Variants in R3HDM2 observed in about 807,000 individuals in gnomAD.
R3HDM2 encodes the protein R3H domain containing 2, also known as R3H domain-containing protein 2.
In R3HDM2, 38 loss-of-function variants were observed where a neutral mutation model predicts 124.5. That is an observed-to-expected ratio of 0.31 (90% confidence interval 0.24 to 0.40). The LOEUF (loss-of-function observed/expected upper bound fraction) is 0.40. Ranked by LOEUF, R3HDM2 falls within the 10% of genes least tolerant of loss-of-function variation. The pLI, the probability that R3HDM2 is intolerant of heterozygous loss-of-function variation, is 1.00. For synonymous variants in R3HDM2, 391 were observed against 448.0 expected (o/e 0.87, Z 1.61); for missense variants, 869 against 1,236.9 (o/e 0.70, Z 4.46).
chr12:57,388,915 A>G (rs2066274343), intron 2 of R3HDM2, among the ~76,000 whole-genome samples: 1 of 152,218 alleles, frequency 6.6e-6, no homozygotes, highest in African/African-American at 2.4e-5. Flanking sequence ...ATCCATAACT[A>G]GTAGTGGGAG....
intron 19 of R3HDM2, among the ~76,000 whole-genome samples, chr12:57,263,276 C>T (rs983839272): frequency 3.3e-5 from 5 of 152,132 alleles, no homozygotes; most frequent in African/African-American, 1.2e-4. Flanking sequence ...AAAAATGCCC[C>T]GCAGTACCCA....
chr12:57,270,026 G>T, intron 14 of R3HDM2, 32 bp from the exon 15 acceptor site: 1 of 1,611,616 alleles, frequency 6.2e-7, no homozygotes, highest in Non-Finnish European at 8.5e-7. Flanking sequence ...CAGGATTGGG[G>T]CTGTATCAAA....
intron 2 of R3HDM2, among the ~76,000 whole-genome samples, chr12:57,314,276 T>TA (rs2054584145): frequency 6.6e-6 from 1 of 151,664 alleles, no homozygotes; most frequent in African/African-American, 2.4e-5. Context: ...GGTCAGGAGT[T>TA]AGAGACCAGC....
chr12:57,430,508 C>CCGCCCCG (rs1245488073), intron 1 of R3HDM2: 2 of 978,754 alleles, frequency 2.0e-6, no homozygotes, highest in Admixed American at 1.2e-4. Context: ...CCGCCGCCCT[C>CCGCCCCG]CGCCCCGCGC....
intron 2 of R3HDM2, among the ~76,000 whole-genome samples, chr12:57,326,299 G>C (rs921555625): frequency 6.6e-6 from 1 of 152,204 alleles, no homozygotes; most frequent in Non-Finnish European, 1.5e-5. Context: ...TGGAAATTAT[G>C]CTTCGTGAGG....
chr12:57,360,885 T>C (rs1325275039), intron 2 of R3HDM2, among the ~76,000 whole-genome samples: 1 of 151,206 alleles, frequency 6.6e-6, no homozygotes, highest in African/African-American at 2.4e-5. Flanking sequence ...ACCCTGTCTC[T>C]ACTAAAAATA....
intron 2 of R3HDM2, among the ~76,000 whole-genome samples, chr12:57,364,351 C>T (rs1381063826): frequency 6.6e-6 from 1 of 151,878 alleles, no homozygotes; most frequent in African/African-American, 2.4e-5. Context: ...GGTTTCACCA[C>T]ATTGGCCAGG....
chr12:57,354,022 T>C (rs1179480033), intron 2 of R3HDM2, among the ~76,000 whole-genome samples: 1 of 151,890 alleles, frequency 6.6e-6, no homozygotes, highest in Non-Finnish European at 1.5e-5. Flanking sequence ...CCCAGCTAAT[T>C]TTTGTATTTT....
chr12:57,389,803 A>C (rs2066393653), intron 2 of R3HDM2, among the ~76,000 whole-genome samples: 1 of 152,240 alleles, frequency 6.6e-6, no homozygotes, highest in Non-Finnish European at 1.5e-5. Flanking sequence ...ATTATATCCA[A>C]AAAGAACCCT....
intron 2 of R3HDM2, among the ~76,000 whole-genome samples, chr12:57,390,457 G>A (rs879398856): frequency 1.1e-4 from 16 of 152,130 alleles, no homozygotes; most frequent in Non-Finnish European, 1.8e-4. Flanking sequence ...CAGCACTTTG[G>A]GAGGCTGAGA....
intron 4 of R3HDM2, among the ~76,000 whole-genome samples, chr12:57,301,948 G>A (rs2051273097): frequency 2.0e-5 from 3 of 152,216 alleles, no homozygotes. Context: ...ATCATATAAT[G>A]ATTAAAAGCA....
chr12:57,298,626 AAGATAGTCTAATAATT>A (rs1396866512), intron 6 of R3HDM2, among the ~76,000 whole-genome samples: 1 of 151,978 alleles, frequency 6.6e-6, no homozygotes, highest in African/African-American at 2.4e-5. Flanking sequence ...TTTAAAGGCA[AAGATAGTCTAATAATT>A]AGAGGCAAAT....
chr12:57,355,175 T>C (rs1336406254), intron 2 of R3HDM2, among the ~76,000 whole-genome samples: 1 of 151,520 alleles, frequency 6.6e-6, no homozygotes, highest in East Asian at 2.0e-4. Flanking sequence ...AAACACTTCT[T>C]GGCCGGGCGC....
intron 12 of R3HDM2, among the ~76,000 whole-genome samples, chr12:57,286,567 T>C (rs901120859): frequency 4.6e-5 from 7 of 152,206 alleles, no homozygotes; most frequent in Admixed American, 3.9e-4. Flanking sequence ...CAAAGCTCAG[T>C]TGGAAAACCA....
chr12:57,303,474 T>C (rs1422559272), intron 3 of R3HDM2, among the ~76,000 whole-genome samples: 1 of 151,920 alleles, frequency 6.6e-6, no homozygotes, highest in Non-Finnish European at 1.5e-5. Context: ...TCAGATGTGG[T>C]GGCTCATGCC....
intron 1 of R3HDM2, among the ~76,000 whole-genome samples, chr12:57,413,415 G>C (rs1300239166): frequency 7.1e-6 from 1 of 141,772 alleles, no homozygotes; most frequent in Non-Finnish European, 1.5e-5. Flanking sequence ...CCAATATAGT[G>C]CAACCTTCTA....
At position 57,258,030 on chromosome 12, in the gene R3HDM2, A is replaced by G. The variant is rs2039572552; in HGVS notation, c.2409T>C (p.Pro803=). The G allele has an allele frequency of 2.6e-5, 42 of 1,588,516 alleles. No individual in the cohort carries two copies. Among genetic ancestry groups the G allele is most frequent in the Non-Finnish European group, 3.5e-5 (41 of 1,162,556 alleles). ...CAGGCCGGGGGAACTGTGTGAGGAC[A>G]GGCAGGGGACTGAGTCCTGTGCAGA... The part of the protein sequence containing the change: ...SSVCTGLSPL[P]VLTQFPRPGG... Residue 803 remains proline, a synonymous_variant, in exon 21 of 24, where the codon CCT becomes CCC. Coordinates refer to ENST00000402412, the MANE Select transcript of R3HDM2 (RefSeq NM_001394031.1).
intron 2 of R3HDM2, among the ~76,000 whole-genome samples, chr12:57,349,238 G>A (rs964109510): frequency 1.3e-4 from 20 of 151,616 alleles, no homozygotes; most frequent in Admixed American, 9.2e-4. Flanking sequence ...AAATTAGCCG[G>A]GCGTGGTGGC....
In R3HDM2 at chr12:57,430,981, G is replaced by GA. The variant is rs1199270427; in HGVS notation, c.-368dup. ...CGGAAAGGGAGAAAAGGGGGGAGGG[G>GA]AAAATCAGAAGGGGAAGAAAAGCCC... On this transcript the variant is annotated 5_prime_UTR_variant, in exon 1 of 24. Coordinates refer to ENST00000402412, the MANE Select transcript of R3HDM2 (RefSeq NM_001394031.1). 2 of 152,062 alleles carry GA rather than the reference G, an allele frequency of 1.3e-5. No individual in the cohort carries two copies. Among genetic ancestry groups the GA allele is most frequent in the East Asian group, 1.9e-4 (1 of 5,152 alleles). 9.4% of individuals were successfully genotyped at this position (152,062 alleles called of 1,614,324 possible).
Sources: gnomAD v4.1 joint callset for allele counts (sites outside exome capture counted in the v4.1 genomes callset) on GRCh38, gnomAD v4.1.1 for gene constraint, MANE v1.5 for transcripts, NCBI Gene and HGNC (gene_info 2026-07-23, HGNC 2026-07-21) for gene names.